EFEMP1: variants seen among roughly 807,000 people sequenced by gnomAD.
EFEMP1 encodes EGF-like fibulin extracellular matrix protein 1.
EFEMP1 carries 18 observed loss-of-function variants against 65.7 expected under a neutral mutation model. The ratio of observed to expected loss-of-function variants is 0.27; its 90% CI spans 0.19 to 0.41. EFEMP1 has a LOEUF of 0.41. Ranked by LOEUF, EFEMP1 falls within the 10% of genes least tolerant of loss-of-function variation. The pLI is 1.00. For synonymous variants in EFEMP1, 237 were observed against 219.7 expected (o/e 1.08, Z -0.70); for missense variants, 469 against 624.8 (o/e 0.75, Z 2.66).
chr2:55,912,161 G>A (rs1306411401), intron 5 of EFEMP1, among the ~76,000 whole-genome samples: 1 of 151,888 alleles, frequency 6.6e-6, no homozygotes, highest in East Asian at 1.9e-4. Flanking sequence ...TTTTTTTAAG[G>A]TTAACATCAT....
chr2:55,901,942 AT>A (rs1390921122), intron 5 of EFEMP1, among the ~76,000 whole-genome samples: 1 of 152,152 alleles, frequency 6.6e-6, no homozygotes, highest in Non-Finnish European at 1.5e-5. Context: ...GTGGCAAGGA[AT>A]TGAAGGTGGA....
At chr2:55,872,164 A>T (rs1281919158) in intron 9 of EFEMP1, among the ~76,000 whole-genome samples, 1 of 152,120 alleles carries the variant, frequency 6.6e-6, no homozygotes, top group Admixed American at 6.6e-5. Context: ...ATTTTATTCA[A>T]TGTAAACTTT....
At chr2:55,910,861 T>C (rs1393233130) in intron 5 of EFEMP1, among the ~76,000 whole-genome samples, 1 of 152,190 alleles carries the variant, frequency 6.6e-6, no homozygotes, top group African/African-American at 2.4e-5. Context: ...CTCATATCAC[T>C]TTGGTGACTG....
Position 55,873,541 on chromosome 2 carries a change from G to T in EFEMP1, c.1000+1405C>A, listed in dbSNP as rs1333894271. Among the ~76,000 whole-genome samples the T allele has an allele frequency of 6.6e-6, 1 of 152,038 alleles. No homozygotes were observed. The highest frequency in any genetic ancestry group is 1.5e-5 in the Non-Finnish European group (1 of 67,952). Reference sequence around the variant, plus strand: ...TGTTTGAAGGACTCCAGAGAAATTTGTTAAGACATTCCACTAGCTAACATT... The same window carrying T: ...TGTTTGAAGGACTCCAGAGAAATTTTTTAAGACATTCCACTAGCTAACATT... On this transcript the variant is annotated intron_variant, in intron 9 of 11. Transcript: ENST00000355426. The surrounding 1 kb of genome is among the most constrained non-coding windows in gnomAD (Gnocchi z 4.6).
In EFEMP1 at chr2:55,873,030, G is replaced by A. The variant is rs1250060960; in HGVS notation, c.1001-1907C>T. 1.3e-5 allele frequency among the ~76,000 whole-genome samples: 2 copies of A among 149,556 alleles called. No individual in the cohort carries two copies. The highest frequency in any genetic ancestry group is 3.0e-5 in the Non-Finnish European group (2 of 67,532). Reference sequence around the variant, plus strand: ...AAATATTTGATGAGTGTGTGTCTATGTGTATGTGTATTCTTTTGTCTCTCT... The same window carrying A: ...AAATATTTGATGAGTGTGTGTCTATATGTATGTGTATTCTTTTGTCTCTCT... On this transcript the variant is annotated intron_variant, in intron 9 of 11. Coordinates refer to ENST00000355426, the MANE Select transcript of EFEMP1 (RefSeq NM_001039348.3). This position sits in a 1 kb window ranked among gnomAD's most constrained non-coding sequence, Gnocchi z 4.6.
chr2:55,906,611 A>T (rs1244233854), intron 5 of EFEMP1, among the ~76,000 whole-genome samples: 1 of 150,988 alleles, frequency 6.6e-6, no homozygotes, highest in South Asian at 2.1e-4. Context: ...ATTCCAGGAC[A>T]TGAACTGTTT....
chr2:55,917,543 C>G lies in EFEMP1; in HGVS notation c.517+122G>C, dbSNP rs1182712559. ...AATATTGTGATGATTAAATATAATGCAGACAAAGCACTTAGCATGATGTCT... is the reference window on the plus strand; with the variant it reads ...AATATTGTGATGATTAAATATAATGGAGACAAAGCACTTAGCATGATGTCT... On this transcript the variant is annotated intron_variant, in intron 5 of 11. Transcript: ENST00000355426. This position sits in a 1 kb window ranked among gnomAD's most constrained non-coding sequence, Gnocchi z 6.3. 8 of 1,242,146 alleles carry G rather than the reference C, an allele frequency of 6.4e-6. No homozygotes were observed. The Admixed American group carries it at 1.4e-4, about 21-fold the overall frequency. 76.9% of individuals were successfully genotyped at this position (1,242,146 alleles called of 1,614,324 possible).
intron 3 of EFEMP1, among the ~76,000 whole-genome samples, chr2:55,920,020 C>T (rs949187452): frequency 2.0e-5 from 3 of 152,212 alleles, no homozygotes; most frequent in Non-Finnish European, 4.4e-5. Flanking sequence ...TTGCTCCTCT[C>T]TCTGAGACCT....
In EFEMP1 at chr2:55,871,605, G is replaced by A. The variant is rs1032118697; in HGVS notation, c.1001-482C>T. On this transcript the variant is annotated intron_variant, in intron 9 of 11. Coordinates refer to ENST00000355426, the MANE Select transcript of EFEMP1 (RefSeq NM_001039348.3). This position sits in a 1 kb window ranked among gnomAD's most constrained non-coding sequence, Gnocchi z 4.2. Reference sequence around the variant, plus strand: ...GGAAGAGGCATCTCAACGTGGCCTTGAAGGGTGGTGGTTAGATGGAGTTTT... The same window carrying A: ...GGAAGAGGCATCTCAACGTGGCCTTAAAGGGTGGTGGTTAGATGGAGTTTT... Among the ~76,000 whole-genome samples, 1 of 152,068 alleles carries A rather than the reference G, an allele frequency of 6.6e-6. No individual in the cohort carries two copies. The highest frequency in any genetic ancestry group is 2.4e-5 in the African/African-American group (1 of 41,440).
rs1670979648 is a variant in EFEMP1 at position 55,923,329 on chromosome 2, G to A, written c.-49+382C>T. On this transcript the variant is annotated intron_variant, in intron 1 of 11. Coordinates refer to ENST00000355426, the MANE Select transcript of EFEMP1 (RefSeq NM_001039348.3). This position sits in a 1 kb window ranked among gnomAD's most constrained non-coding sequence, Gnocchi z 5.3. ...GGAGATGAGGTCCCCTTTCTTAACA[G>A]CAAGCTAACGCGGCGGTCCCCTGGA... Among the ~76,000 whole-genome samples, 1 of 152,188 alleles carries A rather than the reference G, an allele frequency of 6.6e-6. No individual in the cohort carries two copies. The highest frequency in any genetic ancestry group is 1.9e-4 in the East Asian group (1 of 5,168).
intron 5 of EFEMP1, among the ~76,000 whole-genome samples, chr2:55,882,271 C>T (rs946133414): frequency 2.0e-5 from 3 of 152,122 alleles, no homozygotes; most frequent in Admixed American, 1.3e-4. Context: ...TAATATTATA[C>T]GTTCCCTGTA....
chr2:55,874,830 A>C, intron 9 of EFEMP1, 116 bp downstream of exon 9: 1 of 1,148,402 alleles, frequency 8.7e-7, no homozygotes, highest in Non-Finnish European at 1.2e-6. Flanking sequence ...AAAAGAGCTT[A>C]AATTGTATAT....
At chr2:55,878,541 T>A (rs1198218788) in intron 6 of EFEMP1, among the ~76,000 whole-genome samples, 3 of 152,188 alleles carry the variant, frequency 2.0e-5, no homozygotes, top group Admixed American at 6.6e-5. Flanking sequence ...AGAAGCATAA[T>A]AAAATTTCAT....
intron 6 of EFEMP1, among the ~76,000 whole-genome samples, chr2:55,879,886 A>G (rs1390458062): frequency 6.6e-6 from 1 of 152,206 alleles, no homozygotes; most frequent in Non-Finnish European, 1.5e-5. Context: ...AATTTACAAA[A>G]AAGTATCCTT....
At chr2:55,903,736 C>T (rs1307371521) in intron 5 of EFEMP1, among the ~76,000 whole-genome samples, 3 of 152,068 alleles carry the variant, frequency 2.0e-5, no homozygotes, top group African/African-American at 7.3e-5. Context: ...TTTCTATTTT[C>T]CTTCATCAGT....
At chr2:55,904,366 G>A (rs1026586380) in intron 5 of EFEMP1, among the ~76,000 whole-genome samples, 3 of 152,196 alleles carry the variant, frequency 2.0e-5, no homozygotes, top group Admixed American at 1.3e-4. Flanking sequence ...GATCTTTGTG[G>A]TTAAGAGTTT....
chr2:55,878,319 A>T (rs1273918766), intron 6 of EFEMP1, among the ~76,000 whole-genome samples: 1 of 152,168 alleles, frequency 6.6e-6, no homozygotes, highest in Non-Finnish European at 1.5e-5. Flanking sequence ...CTTCTATAAG[A>T]TGTGGATAGC....
intron 9 of EFEMP1, among the ~76,000 whole-genome samples, chr2:55,872,014 G>A (rs1305856329): frequency 1.3e-5 from 2 of 152,068 alleles, no homozygotes; most frequent in African/African-American, 4.8e-5. Flanking sequence ...TTGGGAATCA[G>A]AAGCCTCCAG....
In EFEMP1 at chr2:55,870,672, C is replaced by A. The variant is rs1405016593; in HGVS notation, c.1320+48G>T. On this transcript the variant is annotated intron_variant, in intron 11 of 11. Coordinates refer to ENST00000355426, the MANE Select transcript of EFEMP1 (RefSeq NM_001039348.3). This position sits in a 1 kb window ranked among gnomAD's most constrained non-coding sequence, Gnocchi z 5.8. ...ACAACAACAACAACAACAACAACAACAAACTCCCATCTTTCTCAATAGTTA... is the reference window on the plus strand; with the variant it reads ...ACAACAACAACAACAACAACAACAAAAAACTCCCATCTTTCTCAATAGTTA... 8 of 1,599,710 alleles carry A rather than the reference C, an allele frequency of 5.0e-6. No homozygotes were observed. The highest frequency in any genetic ancestry group is 2.2e-5 in the South Asian group (2 of 90,080).
Sources: gnomAD v4.1 joint callset for allele counts (sites outside exome capture counted in the v4.1 genomes callset) on GRCh38, gnomAD v4.1.1 for gene constraint, Gnocchi (gnomAD v3.1) non-coding constraint, MANE v1.5 for transcripts, NCBI Gene and HGNC (gene_info 2026-07-23, HGNC 2026-07-21) for gene names.